Variants in WWTR1 observed in about 807,000 individuals in gnomAD.
WWTR1 encodes the protein WW domain containing transcription regulator 1.
WWTR1 carries 13 observed loss-of-function variants against 40.1 expected under a neutral mutation model. The ratio of observed to expected loss-of-function variants is 0.32; its 90% CI spans 0.21 to 0.52. The LOEUF (loss-of-function observed/expected upper bound fraction) is 0.52, where lower values mean the gene tolerates loss of function less well. Among genes scored for constraint, WWTR1 ranks in the 20% least tolerant of loss-of-function variants. WWTR1 has a pLI of 0.97. For synonymous variants in WWTR1, 230 were observed against 210.1 expected (o/e 1.09, Z -0.82); for missense variants, 436 against 523.1 (o/e 0.83, Z 1.63).
At chr3:149,593,153 C>T (rs1166438299) in intron 2 of WWTR1, among the ~76,000 whole-genome samples, 1 of 152,224 alleles carries the variant, frequency 6.6e-6, no homozygotes, top group East Asian at 1.9e-4. Flanking sequence ...GCTGCCATCA[C>T]TCCTGCCAGT....
chr3:149,708,240 C>A (rs1025627815), upstream of WWTR1, among the ~76,000 whole-genome samples: 1 of 151,998 alleles, frequency 6.6e-6, no homozygotes, highest in African/African-American at 2.4e-5. Flanking sequence ...TGACTGACAA[C>A]ATTTTTTTTC....
In WWTR1 at chr3:149,533,737, C is replaced by G. The variant is rs1320864314; in HGVS notation, c.772-5768G>C. The stretch of plus-strand genomic sequence containing the variant: ...TGGCATCTTGAACTAAATTCTTAAC[C>G]TTTCTTGACAGTTTGTTCACCTGAA... On this transcript the variant is annotated intron_variant, in intron 4 of 6. Coordinates refer to ENST00000360632, the MANE Select transcript of WWTR1 (RefSeq NM_015472.6). Among the ~76,000 whole-genome samples, 6 of 152,180 alleles carry G rather than the reference C, an allele frequency of 3.9e-5. No homozygotes were observed. In the East Asian group the frequency reaches 1.2e-3, roughly 29 times the overall value.
intron 1 of WWTR1, among the ~76,000 whole-genome samples, chr3:149,682,577 T>C (rs1311285147): frequency 6.6e-6 from 1 of 152,158 alleles, no homozygotes; most frequent in African/African-American, 2.4e-5. Flanking sequence ...TTTCCCCAGC[T>C]TGGACTGCAT....
intron 1 of WWTR1, among the ~76,000 whole-genome samples, chr3:149,670,136 T>C (rs1225094648): frequency 1.3e-5 from 2 of 152,210 alleles, no homozygotes; most frequent in African/African-American, 2.4e-5. Context: ...AACCACGGCC[T>C]TCAGTGTGAA....
At chr3:149,704,653 A>C (rs1369041590), upstream of WWTR1, among the ~76,000 whole-genome samples, 2 of 152,216 alleles carry the variant, frequency 1.3e-5, no homozygotes, top group East Asian at 3.9e-4. Flanking sequence ...CAGACCAAGA[A>C]AAAAGACCTA....
intron 2 of WWTR1, among the ~76,000 whole-genome samples, chr3:149,609,681 A>G (rs1739646071): frequency 1.3e-5 from 2 of 152,182 alleles, no homozygotes; most frequent in Admixed American, 6.5e-5. Context: ...CCCTTTACAG[A>G]AAATGTTTCT....
chr3:149,527,242 C>T (rs1388745281), intron 5 of WWTR1, among the ~76,000 whole-genome samples: 2 of 151,604 alleles, frequency 1.3e-5, no homozygotes, highest in East Asian at 1.9e-4. Context: ...GCAACCTCCG[C>T]CTCCCAGGTT....
intron 2 of WWTR1, among the ~76,000 whole-genome samples, chr3:149,667,742 C>T (rs16862113): frequency 0.031 from 4,738 of 152,110 alleles, 154 homozygotes; most frequent in East Asian, 0.13. Flanking sequence ...GGGCACTAAC[C>T]CAGTGGCTGC....
upstream of WWTR1, among the ~76,000 whole-genome samples, chr3:149,707,164 G>A (rs967243314): frequency 6.6e-5 from 10 of 152,216 alleles, no homozygotes; most frequent in African/African-American, 2.4e-4. Flanking sequence ...GGAAAAGCAA[G>A]GACAAGGAGC....
At chr3:149,668,900 G>A (rs1465632136) in intron 2 of WWTR1, among the ~76,000 whole-genome samples, 1 of 152,088 alleles carries the variant, frequency 6.6e-6, no homozygotes, top group Non-Finnish European at 1.5e-5. Flanking sequence ...CTGTTTGGCT[G>A]GAAAGACAAG....
At chr3:149,527,798 A>G (rs1265840652) in intron 5 of WWTR1, 38 bp downstream of exon 5, 1 of 1,612,416 alleles carries the variant, frequency 6.2e-7, no homozygotes, top group South Asian at 1.1e-5. Flanking sequence ...CACATAATAA[A>G]GAGAATAAAA....
chr3:149,621,124 T>C (rs1576602430), intron 2 of WWTR1, among the ~76,000 whole-genome samples: 2 of 152,242 alleles, frequency 1.3e-5, no homozygotes, highest in Admixed American at 6.5e-5. Flanking sequence ...CCTCAGCTTT[T>C]GCTTTGCTTA....
intron 2 of WWTR1, among the ~76,000 whole-genome samples, chr3:149,668,440 C>A (rs1713925200): frequency 1.3e-5 from 2 of 151,952 alleles, no homozygotes; most frequent in South Asian, 4.2e-4. Context: ...AACCCCGTCT[C>A]TACTAAAAAT....
intron 2 of WWTR1, among the ~76,000 whole-genome samples, chr3:149,596,514 C>T (rs1739010454): frequency 6.6e-6 from 1 of 152,158 alleles, no homozygotes; most frequent in African/African-American, 2.4e-5. Context: ...GGCTCGCTGA[C>T]CTCAGGACAT....
chr3:149,714,910 A>G (rs1043501322), intron 5 of WWTR1, among the ~76,000 whole-genome samples: 4 of 152,094 alleles, frequency 2.6e-5, no homozygotes, highest in Non-Finnish European at 4.4e-5. Context: ...GAGAGAGGAC[A>G]GGGAGACAAG....
At chr3:149,705,685 T>C (rs1405337212), upstream of WWTR1, among the ~76,000 whole-genome samples, 1 of 152,208 alleles carries the variant, frequency 6.6e-6, no homozygotes, top group Admixed American at 6.5e-5. Context: ...ACAGTAAGAA[T>C]AGCTAACCTG....
At chr3:149,645,979 G>T (rs1712504493) in intron 2 of WWTR1, among the ~76,000 whole-genome samples, 1 of 152,080 alleles carries the variant, frequency 6.6e-6, no homozygotes, top group Non-Finnish European at 1.5e-5. Context: ...ATGAGTTACT[G>T]TAGAAGCCAC....
chr3:149,542,628 T>C (rs759037401), intron 3 of WWTR1, 91 bp from the exon 4 acceptor site: 204 of 1,321,196 alleles, frequency 1.5e-4, no homozygotes, highest in Non-Finnish European at 1.9e-4. Context: ...CTTTGGAGTA[T>C]AGATTCCTGA....
In WWTR1 at chr3:149,528,069, G is replaced by T. The variant is rs1044937019; in HGVS notation, c.772-100C>A. ...AACTTTTCACCAAATACAAAGCACTGTGTATTTACTCCCAGCAAGTCAAAA... is the reference window on the plus strand; with the variant it reads ...AACTTTTCACCAAATACAAAGCACTTTGTATTTACTCCCAGCAAGTCAAAA... On this transcript the variant is annotated intron_variant, in intron 4 of 6. Transcript: ENST00000360632. 7.8e-6 allele frequency: 11 copies of T among 1,406,460 alleles called. No homozygotes were observed. In the Admixed American group the frequency reaches 9.9e-5, roughly 13 times the overall value. 87.1% of individuals were successfully genotyped at this position (1,406,460 alleles called of 1,614,324 possible). A position where few individuals can be genotyped will look rare whatever the true frequency, so the allele number is the denominator to read the frequency against.
Sources: gnomAD v4.1 joint callset for allele counts (sites outside exome capture counted in the v4.1 genomes callset) on GRCh38, gnomAD v4.1.1 for gene constraint, MANE v1.5 for transcripts, NCBI Gene and HGNC (gene_info 2026-07-23, HGNC 2026-07-21) for gene names.